The following UNC13C variants were observed in gnomAD, a reference collection of about 807,000 sequenced individuals.
The protein encoded by UNC13C is protein unc-13 homolog C.
A neutral mutation model predicts 245.4 loss-of-function variants in UNC13C; 174 were observed. The ratio of observed to expected loss-of-function variants is 0.71; its 90% CI spans 0.63 to 0.80. The LOEUF is 0.80. Ranked by LOEUF, UNC13C falls within the 30% of genes least tolerant of loss-of-function variation. The pLI is 0.00. For synonymous variants in UNC13C, 992 were observed against 895.1 expected, an observed-to-expected ratio of 1.11 and a Z score of -1.93; for missense variants, 2,829 against 2,602.9, an observed-to-expected ratio of 1.09 and a Z score of -1.89.
the UNC13C span, among the ~76,000 whole-genome samples, chr15:53,887,042 T>C: frequency 6.6e-6 from 1 of 152,174 alleles, no homozygotes; most frequent in African/African-American, 2.4e-5. Flanking sequence ...TATGGAATCC[T>C]GGAACAGAAA....
chr15:54,494,795 A>C, intron 20 of UNC13C, 61 bp downstream of exon 20: 1 of 1,569,318 alleles, frequency 6.4e-7, no homozygotes. Context: ...GTAAAATTAC[A>C]CCTGAATTGT....
chr15:54,453,199 T>C (rs141327463), intron 19 of UNC13C, among the ~76,000 whole-genome samples: 3 of 152,304 alleles, frequency 2.0e-5, no homozygotes, highest in Non-Finnish European at 4.4e-5. Context: ...TTGGTAGGAT[T>C]GGAGGGGTCC....
At chr15:53,947,616 T>C in the UNC13C span, 1 of 152,244 alleles carries the variant, frequency 6.6e-6, no homozygotes, top group Non-Finnish European at 1.5e-5. Flanking sequence ...TCTTTTGTTA[T>C]GACTCTTGAG....
the UNC13C span, among the ~76,000 whole-genome samples, chr15:53,872,178 C>A: frequency 6.6e-6 from 1 of 152,108 alleles, no homozygotes; most frequent in African/African-American, 2.4e-5. Context: ...CCACCATATG[C>A]CCCAGCTGCA....
At chr15:54,056,718 G>T (rs1049389793) in intron 2 of UNC13C, among the ~76,000 whole-genome samples, 1 of 152,082 alleles carries the variant, frequency 6.6e-6, no homozygotes, top group African/African-American at 2.4e-5. Context: ...GAGAAAGGTC[G>T]GGTTACCCAG....
intron 2 of UNC13C, among the ~76,000 whole-genome samples, chr15:54,090,372 C>G (rs1899499305): frequency 6.6e-6 from 1 of 151,864 alleles, no homozygotes; most frequent in African/African-American, 2.4e-5. Context: ...TACTAAATGT[C>G]TAATTTAAAA....
chr15:54,185,864 A>G (rs1446373234), intron 4 of UNC13C, among the ~76,000 whole-genome samples: 2 of 151,100 alleles, frequency 1.3e-5, no homozygotes, highest in East Asian at 1.9e-4. Context: ...CTTGGGCAGT[A>G]TGGCCATTTT....
At chr15:54,437,971 A>G (rs932102873) in intron 19 of UNC13C, among the ~76,000 whole-genome samples, 6 of 151,876 alleles carry the variant, frequency 4.0e-5, no homozygotes, top group South Asian at 2.1e-4. Context: ...TTCTTTGACT[A>G]TCTAAAACTC....
chr15:53,939,672 G>C, the UNC13C span, among the ~76,000 whole-genome samples: 1 of 152,148 alleles, frequency 6.6e-6, no homozygotes, highest in Non-Finnish European at 1.5e-5. Flanking sequence ...GGGATGCAAG[G>C]TTGGTTCAAC....
At chr15:54,031,902 C>A (rs1896373509) in intron 2 of UNC13C, among the ~76,000 whole-genome samples, 1 of 152,148 alleles carries the variant, frequency 6.6e-6, no homozygotes, top group African/African-American at 2.4e-5. Context: ...CATTCATGAA[C>A]TTTATCATAC....
intron 8 of UNC13C, among the ~76,000 whole-genome samples, chr15:54,256,406 A>G (rs562613775): frequency 6.6e-6 from 1 of 152,354 alleles, no homozygotes; most frequent in South Asian, 2.1e-4. Flanking sequence ...CCACAGCTTT[A>G]CAGTAGTCCC....
chr15:54,472,752 T>G (rs35952234), intron 19 of UNC13C, among the ~76,000 whole-genome samples: 66,901 of 151,632 alleles, frequency 0.44, 15,057 homozygotes, highest in East Asian at 0.71. Flanking sequence ...TTCTGAAATA[T>G]GTACTGATAA....
At chr15:54,408,518 G>A (rs562425548) in intron 18 of UNC13C, among the ~76,000 whole-genome samples, 30 of 152,146 alleles carry the variant, frequency 2.0e-4, no homozygotes, top group South Asian at 6.2e-4. Flanking sequence ...AAGAACTCAC[G>A]TATATAGTAA....
At chr15:54,052,448 G>T (rs1219694786) in intron 2 of UNC13C, among the ~76,000 whole-genome samples, 1 of 151,244 alleles carries the variant, frequency 6.6e-6, no homozygotes, top group Non-Finnish European at 1.5e-5. Context: ...TTTAATGATT[G>T]CCATTCTAAC....
intron 19 of UNC13C, among the ~76,000 whole-genome samples, chr15:54,483,559 G>T (rs750868228): frequency 6.6e-6 from 1 of 151,900 alleles, no homozygotes; most frequent in Non-Finnish European, 1.5e-5. Flanking sequence ...GCAGTGGCGC[G>T]ATCTCAGCTC....
intron 10 of UNC13C, among the ~76,000 whole-genome samples, chr15:54,276,266 G>T (rs1217467649): frequency 6.6e-6 from 1 of 151,998 alleles, no homozygotes; most frequent in Non-Finnish European, 1.5e-5. Flanking sequence ...TAAAAATATT[G>T]TACATTTCAA....
At chr15:53,966,749 A>G in the UNC13C span, among the ~76,000 whole-genome samples, 2 of 152,034 alleles carry the variant, frequency 1.3e-5, no homozygotes, top group African/African-American at 4.8e-5. Context: ...TGCCCTCTCA[A>G]AACAACATAT....
the UNC13C span, among the ~76,000 whole-genome samples, chr15:53,922,631 T>C: frequency 6.6e-6 from 1 of 152,232 alleles, no homozygotes; most frequent in African/African-American, 2.4e-5. Context: ...TCTTGTGTTT[T>C]ATTAACCTAA....
chr15:54,463,166 A>G (rs1891951319), intron 19 of UNC13C, among the ~76,000 whole-genome samples: 1 of 149,478 alleles, frequency 6.7e-6, no homozygotes, highest in South Asian at 2.1e-4. Flanking sequence ...CAAGGTTTGT[A>G]AACACACCAG....
Sources: allele counts gnomAD v4.1 joint callset (sites outside exome capture counted in the v4.1 genomes callset), GRCh38; gene constraint gnomAD v4.1.1; transcripts MANE v1.5; gene names NCBI Gene and HGNC (gene_info 2026-07-23, HGNC 2026-07-21).